The following VWC2 variants were observed in gnomAD, a reference collection of about 807,000 sequenced individuals.
The protein encoded by VWC2 is brorin.
Under a neutral mutation model 29.8 loss-of-function variants are expected in VWC2, and 14 were observed. That is an observed-to-expected ratio of 0.47 (90% CI 0.31 to 0.74). The LOEUF (loss-of-function observed/expected upper bound fraction) is 0.74, where lower values mean the gene tolerates loss of function less well. Among genes scored for constraint, VWC2 ranks in the 30% least tolerant of loss-of-function variants. The probability of loss-of-function intolerance (pLI) is 0.05; values close to 1 mark genes in which losing one functional copy is unlikely to be tolerated. For synonymous variants in VWC2, 213 were observed against 199.0 expected (o/e 1.07, Z -0.59); for missense variants, 457 against 459.8 (o/e 0.99, Z 0.05).
intron 2 of VWC2, among the ~76,000 whole-genome samples, chr7:49,793,255 T>C (rs1280521550): frequency 6.6e-6 from 1 of 152,196 alleles, no homozygotes; most frequent in Non-Finnish European, 1.5e-5. Context: ...TTAAAATGTA[T>C]CAAATATGCC....
At chr7:49,777,662 C>T (rs552663138) in intron 2 of VWC2, among the ~76,000 whole-genome samples, 15 of 152,296 alleles carry the variant, frequency 9.8e-5, no homozygotes, top group East Asian at 5.8e-4. Flanking sequence ...ATATGAACCA[C>T]GCCCAGGCCA....
intron 3 of VWC2, among the ~76,000 whole-genome samples, chr7:49,807,959 T>C (rs1447725813): frequency 6.6e-6 from 1 of 152,152 alleles, no homozygotes; most frequent in African/African-American, 2.4e-5. Flanking sequence ...CCCAACTTTC[T>C]GTGTACATCA....
chr7:49,849,661 C>A (rs1325709060), intron 3 of VWC2, among the ~76,000 whole-genome samples: 2 of 152,230 alleles, frequency 1.3e-5, no homozygotes, highest in Non-Finnish European at 2.9e-5. Context: ...ACGCTGGGTG[C>A]TTGTTTCACC....
chr7:49,855,220 T>C (rs1790367261), intron 3 of VWC2, among the ~76,000 whole-genome samples: 1 of 152,224 alleles, frequency 6.6e-6, no homozygotes, highest in African/African-American at 2.4e-5. Context: ...CTCATGTCTC[T>C]GAAAATGGGA....
chr7:49,776,225 C>G, intron 2 of VWC2, 94 bp downstream of exon 2: 1 of 1,132,106 alleles, frequency 8.8e-7, no homozygotes, highest in Non-Finnish European at 1.2e-6. Flanking sequence ...AGAAGAGGTG[C>G]TCTCTGGTTC....
chr7:49,838,117 G>A (rs892814661), intron 3 of VWC2, among the ~76,000 whole-genome samples: 33 of 152,192 alleles, frequency 2.2e-4, no homozygotes, highest in African/African-American at 8.0e-4. Context: ...GGGGGACAGA[G>A]GACTGAAGAT....
chr7:49,860,031 T>C (rs1056263941), intron 3 of VWC2, among the ~76,000 whole-genome samples: 2 of 152,126 alleles, frequency 1.3e-5, no homozygotes, highest in African/African-American at 2.4e-5. Flanking sequence ...AAGGGCTTCT[T>C]TAAAGTTTCA....
At chr7:49,814,913 T>C (rs1789101052) in intron 3 of VWC2, among the ~76,000 whole-genome samples, 1 of 152,228 alleles carries the variant, frequency 6.6e-6, no homozygotes, top group African/African-American at 2.4e-5. Flanking sequence ...TGCTTCCTAA[T>C]GGAGGTTGAT....
In VWC2 at chr7:49,912,222, A is replaced by G. The variant is rs1793494752; in HGVS notation, c.*37A>G. 2 of 1,611,270 alleles carry G rather than the reference A, an allele frequency of 1.2e-6. No individual in the cohort carries two copies. The highest frequency in any genetic ancestry group is 1.7e-6 in the Non-Finnish European group (2 of 1,178,180). ...AACACAAACTCTGACTTTTTCTAGA[A>G]CATTTTACTGATGTGAACATTCTAG... On this transcript the variant is annotated 3_prime_UTR_variant, in exon 4 of 4. Coordinates refer to ENST00000340652, the MANE Select transcript of VWC2 (RefSeq NM_198570.5).
chr7:49,787,972 C>T (rs1788337841), intron 2 of VWC2, among the ~76,000 whole-genome samples: 1 of 152,188 alleles, frequency 6.6e-6, no homozygotes, highest in Non-Finnish European at 1.5e-5. Context: ...CAAAGAGTCC[C>T]TTTCTGTGTG....
At chr7:49,792,393 G>A (rs554150307) in intron 2 of VWC2, among the ~76,000 whole-genome samples, 70 of 152,272 alleles carry the variant, frequency 4.6e-4, no homozygotes, top group African/African-American at 1.6e-3. Context: ...ATCCTCTCCC[G>A]CTGTGTGCAT....
chr7:49,911,812 G>A (rs922996390), intron 3 of VWC2, among the ~76,000 whole-genome samples: 12 of 151,660 alleles, frequency 7.9e-5, no homozygotes, highest in Non-Finnish European at 7.4e-5. Context: ...CAGGAGAATT[G>A]CCTGAATCCG....
chr7:49,849,246 C>T (rs977462096), intron 3 of VWC2, among the ~76,000 whole-genome samples: 1 of 152,124 alleles, frequency 6.6e-6, no homozygotes, highest in African/African-American at 2.4e-5. Context: ...ATGCTTTTGT[C>T]TTTTATGAAT....
chr7:49,775,790 C>G lies in VWC2; in HGVS notation c.355C>G (p.Gln119Glu). 2 of 1,529,118 alleles carry G rather than the reference C, an allele frequency of 1.3e-6. No individual in the cohort carries two copies. Among genetic ancestry groups the G allele is most frequent in the Non-Finnish European group, 1.8e-6 (2 of 1,138,500 alleles). The allele number at this position is 1,529,118 out of a possible 1,614,324, so 94.7% of individuals were successfully genotyped here. ...GGTCCGGCCCCGCGGGGACACCCCG[C>G]AGGCGGAAGCCCTGGCCGCAGCCGC... is the stretch of plus-strand genomic sequence containing the variant. ...LQVRPRGDTP[Q>E]AEALAAAAQD... The change falls in exon 2 of 4, where the codon CAG becomes GAG. Residue 119 changes from glutamine to glutamate, a missense_variant. Gln to Glu is a conservative substitution (Grantham distance 29). Around this residue, in one of 2 missense-constraint regions of VWC2, gnomAD observed 272 missense variants for 202.7 expected, o/e 1.34. Transcript: ENST00000340652.
chr7:49,872,786 C>T (rs1262540652), intron 3 of VWC2, among the ~76,000 whole-genome samples: 1 of 147,230 alleles, frequency 6.8e-6, no homozygotes, highest in African/African-American at 2.5e-5. Flanking sequence ...TGTGGTGGCA[C>T]ACACCTGTAA....
chr7:49,856,468 T>G (rs1790420964), intron 3 of VWC2, among the ~76,000 whole-genome samples: 1 of 152,226 alleles, frequency 6.6e-6, no homozygotes, highest in South Asian at 2.1e-4. Context: ...CTGCAGATCA[T>G]GAGCCAAATA....
intron 3 of VWC2, among the ~76,000 whole-genome samples, chr7:49,899,695 G>T (rs1792603158): frequency 6.6e-6 from 1 of 151,920 alleles, no homozygotes; most frequent in Admixed American, 6.6e-5. Flanking sequence ...AGAACTGCAA[G>T]AAGAAACAGG....
intron 3 of VWC2, among the ~76,000 whole-genome samples, chr7:49,860,528 CTG>C (rs1375865151): frequency 1.3e-5 from 2 of 152,216 alleles, no homozygotes; most frequent in South Asian, 2.1e-4. Context: ...TTGCTCCTAT[CTG>C]TGTGGCCACT....
chr7:49,821,928 T>A (rs1789269791), intron 3 of VWC2, among the ~76,000 whole-genome samples: 1 of 152,176 alleles, frequency 6.6e-6, no homozygotes, highest in Non-Finnish European at 1.5e-5. Flanking sequence ...ATTCTAGAAA[T>A]AAATATAGAA....
Sources: allele counts gnomAD v4.1 joint callset (sites outside exome capture counted in the v4.1 genomes callset), GRCh38; gene constraint gnomAD v4.1.1; regional missense constraint gnomAD v4.1.1; transcripts MANE v1.5; gene names NCBI Gene and HGNC (gene_info 2026-07-23, HGNC 2026-07-21).